POLG: variants seen among roughly 807,000 people sequenced by gnomAD.
POLG encodes the protein DNA polymerase gamma, catalytic subunit.
POLG carries 110 observed loss-of-function variants against 155.4 expected under a neutral mutation model. The ratio of observed to expected loss-of-function variants is 0.71; its 90% CI spans 0.61 to 0.83. The LOEUF (loss-of-function observed/expected upper bound fraction) is 0.83, where lower values mean the gene tolerates loss of function less well. Ranked by LOEUF, POLG falls within the 40% of genes least tolerant of loss-of-function variation. The pLI, the probability that POLG is intolerant of heterozygous loss-of-function variation, is 0.00. For synonymous variants in POLG, 701 were observed against 631.5 expected, an observed-to-expected ratio of 1.11 and a Z score of -1.65; for missense variants, 1,685 against 1,627.5, an observed-to-expected ratio of 1.04 and a Z score of -0.61.
intron 16 of POLG, 67 bp downstream of exon 16, chr15:89,321,669 C>G: frequency 8.4e-7 from 1 of 1,196,846 alleles, no homozygotes; most frequent in Non-Finnish European, 1.2e-6. Context: ...CCTAAAGGCC[C>G]TCAGAGCCCA....
Position 89,318,537 on chromosome 15 carries a change from A to G in POLG, c.3482+4T>C, listed in dbSNP as rs1567184975. Reference sequence around the variant, plus strand: ...CCAGGCTAGAGGCCATGGGCCCCGCATACCTGGTCAAGAGGTTGGTGATCT... The same window carrying G: ...CCAGGCTAGAGGCCATGGGCCCCGCGTACCTGGTCAAGAGGTTGGTGATCT... On this transcript the variant is annotated splice_donor_region_variant and intron_variant, in intron 21 of 22. Coordinates refer to ENST00000268124, the MANE Select transcript of POLG (RefSeq NM_002693.3). 1.9e-6 allele frequency: 3 copies of G among 1,612,568 alleles called. No individual in the cohort carries two copies. The highest frequency in any genetic ancestry group is 1.3e-5 in the African/African-American group (1 of 75,010).
Position 89,330,080 on chromosome 15 carries a change from C to G in POLG, c.855+1G>C. The G allele has an allele frequency of 6.2e-7, 1 of 1,613,768 alleles. No individual in the cohort carries two copies. Among genetic ancestry groups the G allele is most frequent in the Non-Finnish European group, 8.5e-7 (1 of 1,179,656 alleles). On this transcript the variant is annotated splice_donor_variant, in intron 3 of 22. Coordinates refer to ENST00000268124, the MANE Select transcript of POLG (RefSeq NM_002693.3). LOFTEE classifies it high-confidence loss of function. ...CCTGCAGTTGGCCCCAGGAACCTTA[C>G]CTGGATCAGGTACTGCTCCCTGATA...
chr15:89,319,113 AAC>A lies in POLG; in HGVS notation c.3105-16_3105-15del, dbSNP rs146915033. 7.2e-4 allele frequency: 1,161 copies of A among 1,614,204 alleles called. 11 individuals are homozygous for A. The African/African-American group carries it at 0.014, about 19-fold the overall frequency. On this transcript the variant is annotated splice_polypyrimidine_tract_variant and intron_variant, in intron 19 of 22. Transcript: ENST00000268124. The stretch of plus-strand genomic sequence containing the variant: ...TTCCACTGTGACCTAAGGGACCAGA[AAC>A]AGAGGGCAGACTTTGTCTTTCAGCA...
chr15:89,326,749 G>T lies in POLG; in HGVS notation c.1586-11C>A, dbSNP rs776821667. The T allele has an allele frequency of 1.2e-6, 2 of 1,614,050 alleles. No homozygotes were observed. The highest frequency in any genetic ancestry group is 1.1e-5 in the South Asian group (1 of 91,080). On this transcript the variant is annotated splice_polypyrimidine_tract_variant and intron_variant, in intron 8 of 22. Transcript: ENST00000268124. ...TGCAGGGGCCGAGGTCTGTGAGGGT[G>T]GGGGAAGACAATCAGGAGCAGGAGA...
Position 89,333,483 on chromosome 15 carries a change from C to A in POLG, c.272G>T (p.Gly91Val). 1 of 1,612,552 alleles carries A rather than the reference C, an allele frequency of 6.2e-7. No homozygotes were observed. The highest frequency in any genetic ancestry group is 8.5e-7 in the Non-Finnish European group (1 of 1,179,690). ...CGCGGCCTCGCCAGGCATCTCCCCT[C>A]CTTGCCCGAAGATTTGCTCGTGCAG... is the stretch of plus-strand genomic sequence containing the variant. ...RGLHEQIFGQGGEMPGEAAVR... is the reference protein window; with the variant it reads ...RGLHEQIFGQVGEMPGEAAVR... Residue 91 changes from glycine (G) to valine (V), a missense_variant, in exon 2 of 23, where the codon GGA (glycine) becomes GTA (valine). Gly to Val is a moderately radical substitution (Grantham distance 109). Transcript: ENST00000268124.
At chr15:89,329,869 G>A (rs1309267098) in intron 3 of POLG, among the ~76,000 whole-genome samples, 5 of 152,202 alleles carry the variant, frequency 3.3e-5, no homozygotes, top group African/African-American at 9.7e-5. Flanking sequence ...TTATTACTTT[G>A]TGACAACTTA....
In POLG at chr15:89,333,593, CTGT is replaced by C. The variant is rs768088414; in HGVS notation, c.159_161del (p.Gln55del). ...ATAGCACTTGCGGCTGCTGAGGCTG[CTGT>C]TGCTGCTGCTGCTGCTGCTGCTGCT... On this transcript the variant is annotated inframe_deletion, in exon 2 of 23. Coordinates refer to ENST00000268124, the MANE Select transcript of POLG (RefSeq NM_002693.3). The C allele has an allele frequency of 1.2e-6, 2 of 1,603,048 alleles. No homozygotes were observed. The highest frequency in any genetic ancestry group is 8.5e-7 in the Non-Finnish European group (1 of 1,176,162).
Position 89,333,414 on chromosome 15 carries a change from C to T in POLG, c.341G>A (p.Gly114Glu). The T allele has an allele frequency of 1.9e-6, 3 of 1,606,136 alleles. No homozygotes were observed. Among genetic ancestry groups the T allele is most frequent in the African/African-American group, 1.3e-5 (1 of 74,984 alleles). ...VEHLQKHGLWGQPAVPLPDVE... is the reference protein window; with the variant it reads ...VEHLQKHGLWEQPAVPLPDVE... The stretch of plus-strand genomic sequence containing the variant: ...GTCGGGCAAGGGCACGGCTGGCTGC[C>T]CCCAGAGCCCGTGCTTCTGCAGGTG... The change falls in exon 2 of 23, where the codon GGG becomes GAG. Residue 114 changes from glycine (G) to glutamate (E), a missense_variant. Gly to Glu is a moderately conservative substitution (Grantham distance 98). Coordinates refer to ENST00000268124, the MANE Select transcript of POLG (RefSeq NM_002693.3).
At chr15:89,323,595 C>A in intron 12 of POLG, 84 bp from the exon 13 acceptor site, 2 of 938,054 alleles carry the variant, frequency 2.1e-6, no homozygotes, top group Non-Finnish European at 3.5e-6. Flanking sequence ...GGGAAAAGGG[C>A]CTGAAACTGT....
intron 10 of POLG, 54 bp from the exon 11 acceptor site, chr15:89,324,281 G>C: frequency 6.2e-7 from 1 of 1,601,204 alleles, no homozygotes; most frequent in Non-Finnish European, 8.5e-7. Context: ...GCCCACTCTG[G>C]GCCAGGCAGC....
At chr15:89,317,819 T>A (rs991093825) in intron 21 of POLG, 1 of 456,262 alleles carries the variant, frequency 2.2e-6, no homozygotes, top group Admixed American at 3.5e-5. Flanking sequence ...TCACTTCCAA[T>A]TGGGCCAGAG....
chr15:89,325,108 G>A (rs1279424688), intron 10 of POLG, among the ~76,000 whole-genome samples: 3 of 64,850 alleles, frequency 4.6e-5, no homozygotes, highest in East Asian at 4.8e-4. Flanking sequence ...GAGAGAGTGA[G>A]AGAGAGTGAG....
intron 1 of POLG, chr15:89,334,468 G>C (rs1007211868): frequency 6.6e-6 from 1 of 152,188 alleles, no homozygotes; most frequent in East Asian, 1.9e-4. Context: ...CCCGGACCAC[G>C]GCCCACCCGG....
chr15:89,321,628 A>G (rs1429425644), intron 16 of POLG, 108 bp downstream of exon 16: 4 of 860,668 alleles, frequency 4.6e-6, no homozygotes, highest in Non-Finnish European at 8.0e-6. Flanking sequence ...GACCCAGATC[A>G]CAGGGTCCTT....
At position 89,325,656 on chromosome 15, in the gene POLG, G is replaced by A. The variant is rs140743000; in HGVS notation, c.1743C>T (p.Asp581=). 493 of 1,610,798 alleles carry A rather than the reference G, an allele frequency of 3.1e-4. 2 individuals are homozygous for A. The South Asian group carries it at 4.5e-3, about 15-fold the overall frequency. The part of the protein sequence containing the change: ...GWYRKLCPRL[D]DPAWTPGPSL... ...TGGGGCCCGGGGTCCATGCAGGGTCGTCTAGCCGGGGGCAGAGCTTCCGGT... is the reference window on the plus strand; with the variant it reads ...TGGGGCCCGGGGTCCATGCAGGGTCATCTAGCCGGGGGCAGAGCTTCCGGT... Residue 581 remains aspartate, a synonymous_variant, in exon 10 of 23, where the codon GAC becomes GAT. Coordinates refer to ENST00000268124, the MANE Select transcript of POLG (RefSeq NM_002693.3).
At position 89,318,563 on chromosome 15, in the gene POLG, G is replaced by T. The variant is rs1012414109; in HGVS notation, c.3460C>A (p.Gln1154Lys). 1 of 1,613,642 alleles carries T rather than the reference G, an allele frequency of 6.2e-7. No homozygotes were observed. The highest frequency in any genetic ancestry group is 2.2e-5 in the East Asian group (1 of 44,884). The part of the protein sequence containing the change: ...EDRYRAALAL[Q>K]ITNLLTRCMF... ...TACCTGGTCAAGAGGTTGGTGATCT[G>T]CAAGGCCAGGGCAGCGCGGTAGCGG... Residue 1154 changes from glutamine (Q) to lysine (K), a missense_variant, in exon 21 of 23, where the codon CAG (glutamine) becomes AAG (lysine). This residue lies in a region of POLG where 470 missense variants were observed against 439.9 expected (regional missense o/e 1.07). Transcript: ENST00000268124.
chr15:89,321,647 C>T (rs1199443385), intron 16 of POLG, 89 bp downstream of exon 16: 1 of 964,466 alleles, frequency 1.0e-6, no homozygotes, highest in Non-Finnish European at 1.7e-6. Context: ...TTTTCATGAT[C>T]CTCACTAAAT....
At chr15:89,325,068 GTGA>G (rs2055460522) in intron 10 of POLG, among the ~76,000 whole-genome samples, 1 of 106,198 alleles carries the variant, frequency 9.4e-6, no homozygotes, top group Non-Finnish European at 1.9e-5. Context: ...GAGTGAGTGA[GTGA>G]GTGAGTGAGT....
At chr15:89,325,769 A>G (rs2055509174) in intron 9 of POLG, 83 bp from the exon 10 acceptor site, 1 of 1,098,462 alleles carries the variant, frequency 9.1e-7, no homozygotes, top group Admixed American at 1.7e-5. Flanking sequence ...CAATGTCCCC[A>G]CCCACCCTCC....
Sources: allele counts gnomAD v4.1 joint callset (sites outside exome capture counted in the v4.1 genomes callset), GRCh38; gene constraint gnomAD v4.1.1; regional missense constraint gnomAD v4.1.1; transcripts MANE v1.5; gene names NCBI Gene and HGNC (gene_info 2026-07-23, HGNC 2026-07-21).